Variants in PIK3CB observed in about 807,000 individuals in gnomAD.
PIK3CB encodes the protein phosphatidylinositol 4,5-bisphosphate 3-kinase catalytic subunit beta isoform.
PIK3CB carries 39 observed loss-of-function variants against 136.8 expected under a neutral mutation model. The ratio of observed to expected loss-of-function variants is 0.29; its 90% confidence interval spans 0.22 to 0.37. The LOEUF is 0.37. Among genes scored for constraint, PIK3CB ranks in the 10% least tolerant of loss-of-function variants. PIK3CB has a pLI of 1.00. For missense variants in PIK3CB, 868 were observed against 1,275.4 expected, an observed-to-expected ratio of 0.68 and a Z score of 4.87; for synonymous variants, 428 against 436.6, an observed-to-expected ratio of 0.98 and a Z score of 0.25.
chr3:138,662,164 G>A (rs948932901), intron 21 of PIK3CB, among the ~76,000 whole-genome samples: 23 of 148,412 alleles, frequency 1.5e-4, no homozygotes, highest in Middle Eastern at 3.5e-3. Context: ...ACAATGTGCC[G>A]GTTAGTTACA....
At chr3:138,788,493 C>T (rs2046007201) in intron 2 of PIK3CB, among the ~76,000 whole-genome samples, 1 of 148,830 alleles carries the variant, frequency 6.7e-6, no homozygotes, top group South Asian at 2.1e-4. Context: ...CCTGTCTCTA[C>T]TAAAAATACA....
At position 138,707,278 on chromosome 3, in the gene PIK3CB, CTTCGAG is replaced by C; in HGVS notation, c.1405_1410del (p.Leu469_Glu470del). ...ACAGTTCCCATTGGATTCAACATTT[CTTCGAG>C]TTCATCTAAAACATGCAAATAATTT... On this transcript the variant is annotated inframe_deletion, in exon 11 of 24. Transcript: ENST00000674063. 6.3e-7 allele frequency: 1 copy of C among 1,598,460 alleles called. No individual in the cohort carries two copies. The highest frequency in any genetic ancestry group is 8.5e-7 in the Non-Finnish European group (1 of 1,174,474).
At chr3:138,749,419 T>C (rs1372675878) in intron 4 of PIK3CB, among the ~76,000 whole-genome samples, 2 of 152,162 alleles carry the variant, frequency 1.3e-5, no homozygotes, top group African/African-American at 4.8e-5. Context: ...ATCCCTCCAA[T>C]CCACTCTTCA....
chr3:138,667,447 G>A (rs2043437208), intron 19 of PIK3CB, among the ~76,000 whole-genome samples: 1 of 152,010 alleles, frequency 6.6e-6, no homozygotes, highest in South Asian at 2.1e-4. Context: ...GGAGGAGGGA[G>A]TATATGAGTG....
At chr3:138,669,829 G>C (rs2043497049) in intron 19 of PIK3CB, among the ~76,000 whole-genome samples, 1 of 152,156 alleles carries the variant, frequency 6.6e-6, no homozygotes, top group Non-Finnish European at 1.5e-5. Context: ...CCTTAAAAGA[G>C]TGTGTGCTAC....
At chr3:138,824,006 T>G (rs1412987799) in intron 1 of PIK3CB, among the ~76,000 whole-genome samples, 1 of 143,290 alleles carries the variant, frequency 7.0e-6, no homozygotes, top group Admixed American at 6.7e-5. Flanking sequence ...GCTGGTTATC[T>G]AACTCCTTCC....
chr3:138,693,533 A>G (rs1465689269), intron 14 of PIK3CB, among the ~76,000 whole-genome samples: 5 of 151,470 alleles, frequency 3.3e-5, no homozygotes, highest in Non-Finnish European at 5.9e-5. Flanking sequence ...TGAGTAGCTG[A>G]GATTACAGGC....
In PIK3CB at chr3:138,698,239, T is replaced by A. The variant is rs556170909; in HGVS notation, c.1770+668A>T. Among the ~76,000 whole-genome samples the A allele has an allele frequency of 1.5e-4, 23 of 152,154 alleles. No individual in the cohort carries two copies. In the East Asian group the frequency reaches 4.2e-3, roughly 28 times the overall value. On this transcript the variant is annotated intron_variant, in intron 13 of 23. Transcript: ENST00000674063. ...AACTGAAATAAGTAACATGAAAAAA[T>A]TTGGTTATTTTAGTAGACCAAATTT...
At chr3:138,665,745 ACT>A (rs149417454) in intron 19 of PIK3CB, among the ~76,000 whole-genome samples, 4,591 of 151,960 alleles carry the variant, frequency 0.03, 233 homozygotes, top group African/African-American at 0.11. Context: ...ATTTTTAAAA[ACT>A]TTTTTTGACA....
chr3:138,827,532 G>A (rs1933835483), intron 1 of PIK3CB, among the ~76,000 whole-genome samples: 1 of 151,870 alleles, frequency 6.6e-6, no homozygotes, highest in East Asian at 1.9e-4. Context: ...AGCCAGGCAG[G>A]CATGATGGTA....
chr3:138,657,154 T>C (rs941299496), intron 22 of PIK3CB: 2 of 152,674 alleles, frequency 1.3e-5, no homozygotes, highest in African/African-American at 4.8e-5. Flanking sequence ...AACAGAACTA[T>C]AAAGGATAGT....
At chr3:138,805,486 C>T (rs934205063) in intron 1 of PIK3CB, among the ~76,000 whole-genome samples, 6 of 151,516 alleles carry the variant, frequency 4.0e-5, no homozygotes, top group East Asian at 4.0e-4. Context: ...CTGGCTAACA[C>T]GGTGAAACCC....
intron 19 of PIK3CB, among the ~76,000 whole-genome samples, chr3:138,681,213 CTT>C (rs1352909583): frequency 1.3e-5 from 2 of 149,826 alleles, no homozygotes; most frequent in Non-Finnish European, 3.0e-5. Flanking sequence ...GCCTGGCTAA[CTT>C]TTGTATTTTT....
chr3:138,733,347 T>C lies in PIK3CB; in HGVS notation c.1050+14A>G, dbSNP rs1437872252. ...TGGAGCGGATGGCAAATTCAAATCTTAGTGGGTACTCACTTTTACAGTTTC... is the reference window on the plus strand; with the variant it reads ...TGGAGCGGATGGCAAATTCAAATCTCAGTGGGTACTCACTTTTACAGTTTC... On this transcript the variant is annotated intron_variant, in intron 8 of 23. Coordinates refer to ENST00000674063, the MANE Select transcript of PIK3CB (RefSeq NM_006219.3). The C allele has an allele frequency of 2.3e-6, 3 of 1,295,450 alleles. No homozygotes were observed. Among genetic ancestry groups the C allele is most frequent in the African/African-American group, 2.9e-5 (2 of 68,302 alleles). The allele number at this position is 1,295,450 out of a possible 1,614,324, so 80.2% of individuals were successfully genotyped here.
intron 4 of PIK3CB, among the ~76,000 whole-genome samples, chr3:138,751,031 G>A (rs1051462209): frequency 1.3e-5 from 2 of 152,104 alleles, no homozygotes; most frequent in East Asian, 1.9e-4. Context: ...CCCTGTTCAT[G>A]TAACTGTTAG....
intron 8 of PIK3CB, among the ~76,000 whole-genome samples, chr3:138,728,791 A>G (rs9825487): frequency 0.49 from 73,683 of 150,910 alleles, 20,439 homozygotes; most frequent in East Asian, 0.98. Context: ...AAAAAAAAAA[A>G]AAGAAAACCA....
intron 2 of PIK3CB, among the ~76,000 whole-genome samples, chr3:138,781,707 G>A (rs532477731): frequency 1.2e-3 from 188 of 152,092 alleles, no homozygotes; most frequent in Non-Finnish European, 2.4e-3. Context: ...TGCCCGCCTC[G>A]GCCTCGCAAA....
chr3:138,831,454 C>T (rs561238323), intron 1 of PIK3CB, among the ~76,000 whole-genome samples: 1 of 151,310 alleles, frequency 6.6e-6, no homozygotes, highest in East Asian at 2.0e-4. Context: ...GGCGTGGTGG[C>T]GGGTGCCTGT....
intron 1 of PIK3CB, among the ~76,000 whole-genome samples, chr3:138,829,447 T>A (rs1933928754): frequency 6.6e-6 from 1 of 151,880 alleles, no homozygotes; most frequent in Non-Finnish European, 1.5e-5. Flanking sequence ...AGAACTGGGG[T>A]AGTGGAAATG....
Sources: gnomAD v4.1 joint callset for allele counts (sites outside exome capture counted in the v4.1 genomes callset) on GRCh38, gnomAD v4.1.1 for gene constraint, MANE v1.5 for transcripts, NCBI Gene and HGNC (gene_info 2026-07-23, HGNC 2026-07-21) for gene names.